The following ABCB1 variants were observed in gnomAD, a reference collection of about 807,000 sequenced individuals.
ABCB1 encodes the protein ATP-dependent translocase ABCB1.
ABCB1 carries 69 observed loss-of-function variants against 142.0 expected under a neutral mutation model. That is an observed-to-expected ratio of 0.49 (90% CI 0.40 to 0.59). ABCB1 has a LOEUF of 0.59. Among genes scored for constraint, ABCB1 ranks in the 20% least tolerant of loss-of-function variants. The pLI is 0.00. For missense variants in ABCB1, 1,326 were observed against 1,554.7 expected (o/e 0.85, Z 2.47); for synonymous variants, 532 against 539.2 (o/e 0.99, Z 0.18).
chr7:87,616,529 G>A (rs890785225), intron 1 of ABCB1, among the ~76,000 whole-genome samples: 19 of 152,252 alleles, frequency 1.2e-4, no homozygotes, highest in Admixed American at 2.0e-4. Context: ...CTTAAGGAAG[G>A]ACAACTAATG....
At position 87,515,263 on chromosome 7, in the gene ABCB1, C is replaced by G. The variant is rs1403103790; in HGVS notation, c.3250G>C (p.Glu1084Gln). The change falls in exon 25 of 28, where the codon GAG becomes CAG. Residue 1084 changes from glutamate (E) to glutamine (Q), a missense_variant. Glu to Gln is a conservative substitution (Grantham distance 29, BLOSUM62 2). Coordinates refer to ENST00000622132, the MANE Select transcript of ABCB1 (RefSeq NM_001348946.2). Reference protein sequence around the residue: ...CGKSTVVQLLERFYDPLAGKV... With the variant: ...CGKSTVVQLLQRFYDPLAGKV... ...CCTGCCAAGGGGTCGTAGAACCGCT[C>G]CAGGAGCTGGACCACTGTGCTCTTC... 6.2e-7 allele frequency: 1 copy of G among 1,613,956 alleles called. No individual in the cohort carries two copies. Among genetic ancestry groups the G allele is most frequent in the Non-Finnish European group, 8.5e-7 (1 of 1,180,032 alleles).
At chr7:87,577,094 A>G (rs182247190) in intron 4 of ABCB1, among the ~76,000 whole-genome samples, 41 of 152,168 alleles carry the variant, frequency 2.7e-4, no homozygotes, top group Admixed American at 5.2e-4. Flanking sequence ...GCCTCTGGTA[A>G]ATGTCATTCT....
Position 87,570,162 on chromosome 7 carries a change from G to T in ABCB1, c.338+10C>A. ...AAAACTTAACAATAGTAAGGAGAAT[G>T]TCTAATTACCTGGTCATGTCTTCCT... is the stretch of plus-strand genomic sequence containing the variant. On this transcript the variant is annotated intron_variant, in intron 5 of 27. Transcript: ENST00000622132. 1.9e-6 allele frequency: 3 copies of T among 1,610,152 alleles called. No individual in the cohort carries two copies. Among genetic ancestry groups the T allele is most frequent in the Non-Finnish European group, 1.7e-6 (2 of 1,177,012 alleles).
intron 20 of ABCB1, among the ~76,000 whole-genome samples, chr7:87,533,700 T>C (rs11760837): frequency 0.13 from 19,912 of 152,118 alleles, 1,389 homozygotes; most frequent in African/African-American, 0.17. Context: ...ATTTTCATTG[T>C]AAAGACTAGG....
At chr7:87,708,169 T>C (rs1463823550) in intron 1 of ABCB1, among the ~76,000 whole-genome samples, 4 of 152,000 alleles carry the variant, frequency 2.6e-5, no homozygotes, top group Admixed American at 2.0e-4. Flanking sequence ...TTCAATAAAA[T>C]TGAAACAAAT....
Position 87,550,455 on chromosome 7 carries a change from T to C in ABCB1, c.1224+13A>G, listed in dbSNP as rs1445081830. 6.2e-7 allele frequency: 1 copy of C among 1,607,358 alleles called. No homozygotes were observed. Among genetic ancestry groups the C allele is most frequent in the Admixed American group, 1.7e-5 (1 of 60,020 alleles). On this transcript the variant is annotated intron_variant, in intron 11 of 27. Coordinates refer to ENST00000622132, the MANE Select transcript of ABCB1 (RefSeq NM_001348946.2). Reference sequence around the variant, plus strand: ...CAATAGATTAATTGTTGATTAATCATTTATCACTGTACCTTAACTTCTTTT... The same window carrying C: ...CAATAGATTAATTGTTGATTAATCACTTATCACTGTACCTTAACTTCTTTT...
At chr7:87,611,145 C>T (rs1466474905) in intron 1 of ABCB1, among the ~76,000 whole-genome samples, 3 of 152,194 alleles carry the variant, frequency 2.0e-5, no homozygotes, top group Admixed American at 6.5e-5. Context: ...GGGCTTCCCA[C>T]TGTTCTCAGG....
chr7:87,559,797 T>C (rs1418565224), intron 8 of ABCB1, among the ~76,000 whole-genome samples: 1 of 152,122 alleles, frequency 6.6e-6, no homozygotes, highest in Non-Finnish European at 1.5e-5. Context: ...GAATCTAACT[T>C]CTATGGGGAG....
chr7:87,696,248 C>A (rs1828482868), intron 1 of ABCB1, among the ~76,000 whole-genome samples: 1 of 152,160 alleles, frequency 6.6e-6, no homozygotes, highest in East Asian at 1.9e-4. Context: ...CAGTTTCTTG[C>A]TATATGATTG....
At chr7:87,563,220 A>C (rs1817644388) in intron 7 of ABCB1, 1 of 269,424 alleles carries the variant, frequency 3.7e-6, no homozygotes, top group African/African-American at 2.3e-5. Context: ...TCATGGCTGA[A>C]TTCTGCCAAA....
chr7:87,694,881 G>A (rs1828364486), intron 1 of ABCB1, among the ~76,000 whole-genome samples: 1 of 151,930 alleles, frequency 6.6e-6, no homozygotes, highest in East Asian at 1.9e-4. Context: ...TTTTTGTTTT[G>A]GAAAATTAAG....
chr7:87,683,138 G>A (rs1029078007), intron 1 of ABCB1, among the ~76,000 whole-genome samples: 19 of 152,012 alleles, frequency 1.2e-4, no homozygotes, highest in African/African-American at 4.6e-4. Flanking sequence ...CTTTTCTTCT[G>A]CGGCGTCTTT....
chr7:87,588,738 G>T (rs1818864863), intron 3 of ABCB1, among the ~76,000 whole-genome samples: 1 of 152,168 alleles, frequency 6.6e-6, no homozygotes, highest in Admixed American at 6.5e-5. Context: ...GGTCTTTGAG[G>T]AATCACCACA....
At chr7:87,562,027 A>T (rs919961835) in intron 7 of ABCB1, among the ~76,000 whole-genome samples, 2 of 152,164 alleles carry the variant, frequency 1.3e-5, no homozygotes, top group African/African-American at 2.4e-5. Context: ...AATTTATTTT[A>T]AAAATTCTGA....
chr7:87,551,417 G>A (rs931108492), intron 9 of ABCB1, among the ~76,000 whole-genome samples: 1 of 152,192 alleles, frequency 6.6e-6, no homozygotes, highest in Non-Finnish European at 1.5e-5. Flanking sequence ...GTGTATGTGT[G>A]TGTATACATA....
At chr7:87,695,731 G>T (rs1474967044) in intron 1 of ABCB1, among the ~76,000 whole-genome samples, 1 of 152,072 alleles carries the variant, frequency 6.6e-6, no homozygotes, top group African/African-American at 2.4e-5. Context: ...ATTATGAAAA[G>T]ATCTTGTGTC....
chr7:87,539,705 G>A (rs1262883282), intron 18 of ABCB1, among the ~76,000 whole-genome samples: 1 of 152,188 alleles, frequency 6.6e-6, no homozygotes. Flanking sequence ...CTAAGATGAG[G>A]AGTTGGGTGG....
At position 87,585,757 on chromosome 7, in the gene ABCB1, T is replaced by C. The variant is rs1308042284; in HGVS notation, c.118-77A>G. 1.0e-5 allele frequency: 15 copies of C among 1,500,240 alleles called. No homozygotes were observed. In the East Asian group the frequency reaches 2.1e-4, roughly 21 times the overall value. 92.9% of individuals were successfully genotyped at this position (1,500,240 alleles called of 1,614,324 possible). A position where few individuals can be genotyped will look rare whatever the true frequency, so the allele number is the denominator to read the frequency against. On this transcript the variant is annotated intron_variant, in intron 3 of 27. Transcript: ENST00000622132. ...GAAGATTTGCTTTTCCTTCAAAATATATCCAAAATCCAAACATTTTTCAGA... is the reference window on the plus strand; with the variant it reads ...GAAGATTTGCTTTTCCTTCAAAATACATCCAAAATCCAAACATTTTTCAGA...
chr7:87,604,418 T>TAATAACACAATATTGTTATTGTGTTAC (rs532585424), upstream of ABCB1, among the ~76,000 whole-genome samples: 299 of 152,226 alleles, frequency 2.0e-3, no homozygotes, highest in African/African-American at 6.6e-3. Flanking sequence ...GTGTTAACAA[T>TAATAACACAATATTGTTATTGTGTTAC]AATAACACAA....
Sources: allele counts gnomAD v4.1 joint callset (sites outside exome capture counted in the v4.1 genomes callset), GRCh38; gene constraint gnomAD v4.1.1; transcripts MANE v1.5; gene names NCBI Gene and HGNC (gene_info 2026-07-23, HGNC 2026-07-21).